MMS22L: variants seen among roughly 807,000 people sequenced by gnomAD.
MMS22L encodes protein MMS22-like.
A neutral mutation model predicts 159.1 loss-of-function variants in MMS22L; 74 were observed. That is an observed-to-expected ratio of 0.47 (90% confidence interval 0.39 to 0.56). The LOEUF (loss-of-function observed/expected upper bound fraction) is 0.56, where lower values mean the gene tolerates loss of function less well. MMS22L is among the 20% of genes least tolerant of loss of function. The pLI is 0.00. For synonymous variants in MMS22L, 517 were observed against 506.9 expected (o/e 1.02, Z -0.27); for missense variants, 1,351 against 1,422.1 (o/e 0.95, Z 0.80).
chr6:97,151,720 G>A, intron 23 of MMS22L, 51 bp downstream of exon 23: 2 of 1,410,494 alleles, frequency 1.4e-6, no homozygotes, highest in South Asian at 1.2e-5. Flanking sequence ...CATGTTGGCT[G>A]TCAAATGGCT....
chr6:97,282,080 C>T (rs542154480), intron 2 of MMS22L, among the ~76,000 whole-genome samples: 92 of 152,304 alleles, frequency 6.0e-4, no homozygotes, highest in African/African-American at 2.1e-3. Context: ...CAGCTCCCTA[C>T]AGTAAGGGAA....
At chr6:97,211,460 T>C (rs1808364554) in intron 14 of MMS22L, among the ~76,000 whole-genome samples, 1 of 152,118 alleles carries the variant, frequency 6.6e-6, no homozygotes, top group African/African-American at 2.4e-5. Context: ...TTCTTCTTCT[T>C]GACTTAATCT....
At chr6:97,275,755 A>T (rs1816185848) in intron 4 of MMS22L, among the ~76,000 whole-genome samples, 1 of 152,250 alleles carries the variant, frequency 6.6e-6, no homozygotes, top group Non-Finnish European at 1.5e-5. Context: ...CTATAATGCT[A>T]GCACTTTAGG....
intron 14 of MMS22L, among the ~76,000 whole-genome samples, chr6:97,225,258 C>T (rs960524140): frequency 3.9e-5 from 6 of 152,092 alleles, no homozygotes; most frequent in African/African-American, 1.4e-4. Context: ...GAGTTCCTCT[C>T]TTTTTTGCTT....
At chr6:97,212,077 T>C (rs1252851225) in intron 14 of MMS22L, among the ~76,000 whole-genome samples, 1 of 152,182 alleles carries the variant, frequency 6.6e-6, no homozygotes, top group African/African-American at 2.4e-5. Context: ...CCAACATCTG[T>C]CTATTATTCT....
At chr6:97,265,481 G>A (rs1352635785) in intron 8 of MMS22L, 1 of 152,020 alleles carries the variant, frequency 6.6e-6, no homozygotes, top group Non-Finnish European at 1.5e-5. Context: ...CACAAGCCAT[G>A]AAAATGAAAA....
In MMS22L at chr6:97,162,151, T is replaced by C. The variant is rs1401051648; in HGVS notation, c.3236A>G (p.Glu1079Gly). The change falls in exon 22 of 25, where the codon GAG (glutamate) becomes GGG (glycine). Residue 1079 changes from glutamate to glycine, a missense_variant. Transcript: ENST00000683635. ...IVQVIRKSYL[E>G]YKGSSPPPRL... ...AGGAGGAGGTGAGGACCCCTTATACTCAAGGTAGGATTTCCTGAAAAGAAG... is the reference window on the plus strand; with the variant it reads ...AGGAGGAGGTGAGGACCCCTTATACCCAAGGTAGGATTTCCTGAAAAGAAG... The C allele has an allele frequency of 6.3e-7, 1 of 1,597,010 alleles. No homozygotes were observed. Among genetic ancestry groups the C allele is most frequent in the Non-Finnish European group, 8.5e-7 (1 of 1,175,302 alleles).
intron 10 of MMS22L, chr6:97,254,137 G>C (rs1037373009): frequency 1.9e-5 from 3 of 156,282 alleles, no homozygotes; most frequent in Non-Finnish European, 4.2e-5. Flanking sequence ...GTGCTATTCT[G>C]AAGTACTTTT....
intron 13 of MMS22L, among the ~76,000 whole-genome samples, chr6:97,229,746 TATAATCTTTTAA>T (rs1562484185): frequency 6.6e-6 from 1 of 152,198 alleles, no homozygotes; most frequent in Non-Finnish European, 1.5e-5. Flanking sequence ...AGAAAGAATA[TATAATCTTTTAA>T]ATACAATTTG....
At chr6:97,207,654 C>G (rs1807923635) in intron 14 of MMS22L, among the ~76,000 whole-genome samples, 2 of 152,128 alleles carry the variant, frequency 1.3e-5, no homozygotes, top group South Asian at 4.1e-4. Context: ...GTACCAAGCA[C>G]TGCACTAAGG....
intron 11 of MMS22L, among the ~76,000 whole-genome samples, chr6:97,239,930 CA>C (rs1811871748): frequency 6.6e-6 from 1 of 152,090 alleles, no homozygotes; most frequent in South Asian, 2.1e-4. Flanking sequence ...AAAATAAAAA[CA>C]AAAAGTATAA....
At position 97,145,529 on chromosome 6, in the gene MMS22L, C is replaced by G. The variant is rs1263874271; in HGVS notation, c.*1277G>C. On this transcript the variant is annotated 3_prime_UTR_variant, in exon 25 of 25. Transcript: ENST00000683635. The stretch of plus-strand genomic sequence containing the variant: ...AACATTGGAAAGTGGGATCATTCAT[C>G]TGGGACATATCATTAGAGAAAGATA... The G allele has an allele frequency of 1.3e-5, 2 of 152,152 alleles. No homozygotes were observed. The highest frequency in any genetic ancestry group is 2.9e-5 in the Non-Finnish European group (2 of 68,008). 9.4% of individuals were successfully genotyped at this position (152,152 alleles called of 1,614,324 possible). A position where few individuals can be genotyped will look rare whatever the true frequency, so the allele number is the denominator to read the frequency against.
intron 13 of MMS22L, among the ~76,000 whole-genome samples, chr6:97,229,643 A>C (rs1810642356): frequency 6.6e-6 from 1 of 152,170 alleles, no homozygotes; most frequent in South Asian, 2.1e-4. Flanking sequence ...GGCTTTCCCC[A>C]AAGGAAAGTA....
At chr6:97,198,868 G>T (rs1248153337) in intron 14 of MMS22L, among the ~76,000 whole-genome samples, 1 of 152,086 alleles carries the variant, frequency 6.6e-6, no homozygotes, top group Non-Finnish European at 1.5e-5. Context: ...CATATGCTGA[G>T]ACATTTTATG....
chr6:97,238,094 T>C (rs1037198048), intron 11 of MMS22L, among the ~76,000 whole-genome samples: 12 of 152,228 alleles, frequency 7.9e-5, no homozygotes, highest in African/African-American at 2.9e-4. Flanking sequence ...TGCCATTTCC[T>C]AAGCTAGCTG....
chr6:97,229,514 T>C, intron 13 of MMS22L, 111 bp from the exon 14 acceptor site: 1 of 766,928 alleles, frequency 1.3e-6, no homozygotes, highest in Non-Finnish European at 2.0e-6. Flanking sequence ...AATTTTAAGC[T>C]AATTCTTTAT....
chr6:97,220,928 G>A (rs1809561774), intron 14 of MMS22L, among the ~76,000 whole-genome samples: 1 of 148,520 alleles, frequency 6.7e-6, no homozygotes, highest in East Asian at 2.0e-4. Flanking sequence ...TTAAGAATGG[G>A]TAAAAAAACC....
In MMS22L at chr6:97,229,170, A is replaced by G. The variant is rs770712068; in HGVS notation, c.1763T>C (p.Ile588Thr). ...TGAAAATTTCTCAGCCAAAACACCA[A>G]TGTCCAGATTTTTCTGGGCATACAT... The part of the protein sequence containing the change: ...LLMYAQKNLD[I>T]GVLAEKFSCA... The change falls in exon 14 of 25, where the codon ATT becomes ACT. Residue 588 changes from isoleucine to threonine, a missense_variant. By Grantham distance (89) the Ile-to-Thr change is moderately conservative. Coordinates refer to ENST00000683635, the MANE Select transcript of MMS22L (RefSeq NM_001350599.2). 1.2e-6 allele frequency: 2 copies of G among 1,614,058 alleles called. No individual in the cohort carries two copies. Among genetic ancestry groups the G allele is most frequent in the Non-Finnish European group, 1.7e-6 (2 of 1,179,984 alleles).
At chr6:97,160,496 T>C (rs1301504802) in intron 22 of MMS22L, among the ~76,000 whole-genome samples, 1 of 152,050 alleles carries the variant, frequency 6.6e-6, no homozygotes, top group Non-Finnish European at 1.5e-5. Flanking sequence ...GGGTTTCTTG[T>C]AGAGGATGAG....
Sources: allele counts gnomAD v4.1 joint callset (sites outside exome capture counted in the v4.1 genomes callset), GRCh38; gene constraint gnomAD v4.1.1; transcripts MANE v1.5; gene names NCBI Gene and HGNC (gene_info 2026-07-23, HGNC 2026-07-21).